Variants in PPP3CA observed in about 807,000 individuals in gnomAD.
PPP3CA encodes the protein CAM-PRP catalytic subunit.
Under a neutral mutation model 66.5 loss-of-function variants are expected in PPP3CA, and 14 were observed. That is an observed-to-expected ratio of 0.21 (90% confidence interval 0.14 to 0.33). The LOEUF is 0.33. Among genes scored for constraint, PPP3CA ranks in the 10% least tolerant of loss-of-function variants. The pLI, the probability that PPP3CA is intolerant of heterozygous loss-of-function variation, is 1.00. For missense variants in PPP3CA, 317 were observed against 639.5 expected (o/e 0.50, Z 5.44); for synonymous variants, 232 against 226.2 (o/e 1.03, Z -0.23).
chr4:101,191,954 C>A (rs1724618179), intron 2 of PPP3CA, among the ~76,000 whole-genome samples: 1 of 152,174 alleles, frequency 6.6e-6, no homozygotes, highest in African/African-American at 2.4e-5. Context: ...GTTTGCCCAG[C>A]TGATGCTGGC....
At chr4:101,196,805 A>G (rs3804361) in intron 1 of PPP3CA, among the ~76,000 whole-genome samples, 67,092 of 152,034 alleles carry the variant, frequency 0.44, 17,635 homozygotes, top group Middle Eastern at 0.64. Flanking sequence ...CAGGCTTGGA[A>G]GCAATCATTC....
intron 1 of PPP3CA, among the ~76,000 whole-genome samples, chr4:101,219,368 T>C (rs1725554760): frequency 6.6e-6 from 1 of 152,028 alleles, no homozygotes; most frequent in South Asian, 2.1e-4. Flanking sequence ...AGCTCTAGTA[T>C]ATTATTTTCA....
chr4:101,026,131 AG>A, intron 13 of PPP3CA, 70 bp from the exon 14 acceptor site: 1 of 1,337,204 alleles, frequency 7.5e-7, no homozygotes, highest in Non-Finnish European at 1.0e-6. Flanking sequence ...CAGCTGTTGC[AG>A]CAGGTGATGT....
At chr4:101,122,586 T>C (rs1218615807) in intron 2 of PPP3CA, among the ~76,000 whole-genome samples, 1 of 152,148 alleles carries the variant, frequency 6.6e-6, no homozygotes, top group African/African-American at 2.4e-5. Flanking sequence ...CAAAAAGAAG[T>C]GACTTGCAGC....
intron 10 of PPP3CA, among the ~76,000 whole-genome samples, chr4:101,045,600 C>T (rs1439317911): frequency 2.0e-5 from 3 of 152,104 alleles, no homozygotes; most frequent in Non-Finnish European, 2.9e-5. Flanking sequence ...CAAAACTCCA[C>T]ATTATGGTCA....
At position 101,339,525 on chromosome 4, in the gene PPP3CA, G is replaced by A. The variant is rs114525038; in HGVS notation, c.58+7214C>T. On this transcript the variant is annotated intron_variant, in intron 1 of 13. Coordinates refer to ENST00000394854, the MANE Select transcript of PPP3CA (RefSeq NM_000944.5). ...ATTCTAATTGTGTAACCTTATTAAT[G>A]CCTCCTTCTCATACTCCATGCCCTG... Among the ~76,000 whole-genome samples, 230 of 152,242 alleles carry A rather than the reference G, an allele frequency of 1.5e-3. 1 individual carries two copies. Among genetic ancestry groups the A allele is most frequent in the African/African-American group, 5.2e-3 (218 of 41,550 alleles).
At chr4:101,074,179 A>G (rs1729044932) in intron 8 of PPP3CA, among the ~76,000 whole-genome samples, 1 of 152,188 alleles carries the variant, frequency 6.6e-6, no homozygotes, top group Non-Finnish European at 1.5e-5. Context: ...TTTGCTGTAA[A>G]ATATGGTTCA....
intron 12 of PPP3CA, among the ~76,000 whole-genome samples, chr4:101,030,824 T>TG (rs1468047589): frequency 6.6e-6 from 1 of 152,138 alleles, no homozygotes; most frequent in East Asian, 1.9e-4. Context: ...ATAATACACT[T>TG]GCTGTGCCTT....
rs1270801550 is a variant in PPP3CA, at chr4:101,040,555, CAGCTGT to C, written c.1162_1167del (p.Thr388_Ala389del). On this transcript the variant is annotated inframe_deletion, in exon 11 of 14. Transcript: ENST00000394854. ...TTCCTTATCACCTCTTTCCGGGCTG[CAGCTGT>C]TGCACCTGTATTTTCAAACAGAGTT... 6.2e-7 allele frequency: 1 copy of C among 1,612,160 alleles called. No individual in the cohort carries two copies. Among genetic ancestry groups the C allele is most frequent in the Admixed American group, 1.7e-5 (1 of 59,428 alleles).
chr4:101,194,384 T>C (rs1724718900), intron 2 of PPP3CA, among the ~76,000 whole-genome samples: 1 of 152,120 alleles, frequency 6.6e-6, no homozygotes, highest in Non-Finnish European at 1.5e-5. Flanking sequence ...CAATCACTAA[T>C]ATATATGAAA....
intron 1 of PPP3CA, among the ~76,000 whole-genome samples, chr4:101,205,678 T>C (rs1725109741): frequency 6.6e-6 from 1 of 152,184 alleles, no homozygotes; most frequent in South Asian, 2.1e-4. Flanking sequence ...ATCCCCATCC[T>C]CTGTGGTTAA....
At chr4:101,121,199 T>C (rs1164685530) in intron 2 of PPP3CA, among the ~76,000 whole-genome samples, 1 of 152,030 alleles carries the variant, frequency 6.6e-6, no homozygotes, top group Non-Finnish European at 1.5e-5. Flanking sequence ...AATCAACTCT[T>C]CTCCCTTCCT....
At chr4:101,282,984 A>G (rs943870522) in intron 1 of PPP3CA, among the ~76,000 whole-genome samples, 2 of 152,228 alleles carry the variant, frequency 1.3e-5, no homozygotes, top group African/African-American at 2.4e-5. Context: ...GTATTAAATA[A>G]TAAGAGTTAA....
At chr4:101,321,826 A>C (rs1729049708) in intron 1 of PPP3CA, among the ~76,000 whole-genome samples, 1 of 152,240 alleles carries the variant, frequency 6.6e-6, no homozygotes, top group African/African-American at 2.4e-5. Context: ...GCAAGTGCCA[A>C]GAGAAAGGTG....
chr4:101,080,427 A>T (rs1729383840), intron 8 of PPP3CA, 105 bp downstream of exon 8: 1 of 519,108 alleles, frequency 1.9e-6, no homozygotes, highest in African/African-American at 2.0e-5. Flanking sequence ...AAAAATTTTA[A>T]AAAAAAAGAC....
chr4:101,308,626 T>G (rs184190463), intron 1 of PPP3CA, among the ~76,000 whole-genome samples: 3,008 of 152,178 alleles, frequency 0.02, 86 homozygotes, highest in African/African-American at 0.061. Context: ...TTTAACTTTT[T>G]GCAGAGACAG....
intron 1 of PPP3CA, among the ~76,000 whole-genome samples, chr4:101,326,284 C>A (rs1426295995): frequency 6.6e-6 from 1 of 152,108 alleles, no homozygotes; most frequent in Non-Finnish European, 1.5e-5. Context: ...TTTTTCAATT[C>A]CAGCTTGATC....
At chr4:101,041,806 A>G (rs1369480069) in intron 10 of PPP3CA, among the ~76,000 whole-genome samples, 1 of 152,204 alleles carries the variant, frequency 6.6e-6, no homozygotes, top group African/African-American at 2.4e-5. Context: ...TATAGAAAGC[A>G]TTAACACAAG....
At chr4:101,127,997 A>C (rs935198077) in intron 2 of PPP3CA, among the ~76,000 whole-genome samples, 1 of 152,140 alleles carries the variant, frequency 6.6e-6, no homozygotes, top group Non-Finnish European at 1.5e-5. Flanking sequence ...ATCCTTACTG[A>C]TGTCAGCTAC....
Sources: allele counts gnomAD v4.1 joint callset (sites outside exome capture counted in the v4.1 genomes callset), GRCh38; gene constraint gnomAD v4.1.1; transcripts MANE v1.5; gene names NCBI Gene and HGNC (gene_info 2026-07-23, HGNC 2026-07-21).